AUTS2: variants seen among roughly 807,000 people sequenced by gnomAD.
The protein encoded by AUTS2 is activator of transcription and developmental regulator AUTS2.
AUTS2 carries 17 observed loss-of-function variants against 112.4 expected under a neutral mutation model. The ratio of observed to expected loss-of-function variants is 0.15; its 90% CI spans 0.10 to 0.23. AUTS2 has a LOEUF of 0.23. Ranked by LOEUF, AUTS2 falls within the 10% of genes least tolerant of loss-of-function variation. AUTS2 has a pLI of 1.00. For synonymous variants in AUTS2, 751 were observed against 702.7 expected, an observed-to-expected ratio of 1.07 and a Z score of -1.09; for missense variants, 1,510 against 1,701.6, an observed-to-expected ratio of 0.89 and a Z score of 1.98.
intron 5 of AUTS2, among the ~76,000 whole-genome samples, chr7:70,493,607 A>T (rs2116461283): frequency 1.3e-5 from 2 of 152,258 alleles, no homozygotes; most frequent in South Asian, 4.2e-4. Context: ...GGGGGAAAAC[A>T]CATTAATATA....
At chr7:70,190,744 T>A (rs757709263) in intron 4 of AUTS2, among the ~76,000 whole-genome samples, 5 of 152,230 alleles carry the variant, frequency 3.3e-5, no homozygotes, top group Non-Finnish European at 5.9e-5. Flanking sequence ...GACTTTTTTT[T>A]ATGCTTATAA....
At chr7:70,148,005 A>G (rs1159415904) in intron 4 of AUTS2, among the ~76,000 whole-genome samples, 3 of 152,148 alleles carry the variant, frequency 2.0e-5, no homozygotes, top group Admixed American at 6.6e-5. Context: ...TCTGTAAACC[A>G]GCTACCAGGC....
chr7:69,661,880 C>T (rs1795813299), intron 1 of AUTS2, among the ~76,000 whole-genome samples: 1 of 152,144 alleles, frequency 6.6e-6, no homozygotes, highest in African/African-American at 2.4e-5. Flanking sequence ...CTCAACCACT[C>T]TGTGACAGTG....
At chr7:70,124,570 T>C (rs542506646) in intron 3 of AUTS2, among the ~76,000 whole-genome samples, 4 of 152,028 alleles carry the variant, frequency 2.6e-5, no homozygotes, top group Non-Finnish European at 4.4e-5. Flanking sequence ...TCTTTTTTTT[T>C]TTTTCTTTTC....
At chr7:70,454,173 A>T (rs912190826) in intron 5 of AUTS2, among the ~76,000 whole-genome samples, 1 of 152,210 alleles carries the variant, frequency 6.6e-6, no homozygotes, top group Admixed American at 6.5e-5. Context: ...TGTGTCAGAC[A>T]AAAAGATCTG....
At position 69,899,455 on chromosome 7, in the gene AUTS2, A is replaced by G. The variant is rs1363025153; in HGVS notation, c.479A>G (p.Gln160Arg). The change falls in exon 2 of 19, where the codon CAG becomes CGG. Residue 160 changes from glutamine to arginine, a missense_variant. Gln to Arg is a conservative substitution (Grantham distance 43). Transcript: ENST00000342771. ...CGAGAAAATGACCGCAATCTCTGCCAGCACCTTGGGAAGAGAAAGAAAATG... is the reference window on the plus strand; with the variant it reads ...CGAGAAAATGACCGCAATCTCTGCCGGCACCTTGGGAAGAGAAAGAAAATG... ...SDRENDRNLC[Q>R]HLGKRKKMPK... The G allele has an allele frequency of 2.5e-6, 4 of 1,613,902 alleles. No homozygotes were observed. The highest frequency in any genetic ancestry group is 2.5e-6 in the Non-Finnish European group (3 of 1,179,890).
rs555847228 is a variant in AUTS2 at position 69,655,799 on chromosome 7, G to C, written c.309+55837G>C. Among the ~76,000 whole-genome samples, 53 of 152,268 alleles carry C rather than the reference G, an allele frequency of 3.5e-4. No individual in the cohort carries two copies. In the South Asian group the frequency reaches 0.011, roughly 30 times the overall value. ...GAGGGCCGTGCCTTCCTGGGGACCT[G>C]TTTAGGAGAAGGGTCCTGGGCAGTA... On this transcript the variant is annotated intron_variant, in intron 1 of 18. Coordinates refer to ENST00000342771, the MANE Select transcript of AUTS2 (RefSeq NM_015570.4).
In AUTS2 at chr7:70,708,587, TA is replaced by T. The variant is rs201813481; in HGVS notation, c.742+9980del. Among the ~76,000 whole-genome samples, 612 of 143,766 alleles carry T rather than the reference TA, an allele frequency of 4.3e-3. 4 individuals carry two copies. The highest frequency in any genetic ancestry group is 7.2e-3 in the Middle Eastern group (2 of 278). The allele number at this position is 143,766 out of a possible 152,430, so 94.3% of individuals were successfully genotyped here. On this transcript the variant is annotated intron_variant, in intron 6 of 18. Transcript: ENST00000342771. ...GTGGTATAATAGCAAACTCACTAAT[TA>T]AAAAAAAAAAAATAGCCTTAAGACT...
intron 5 of AUTS2, among the ~76,000 whole-genome samples, chr7:70,511,037 C>T (rs1216836430): frequency 3.9e-5 from 6 of 151,928 alleles, no homozygotes; most frequent in African/African-American, 7.3e-5. Context: ...TTTGTAGAGA[C>T]GAGGTTTCGC....
chr7:70,530,374 T>C (rs1051074858), intron 5 of AUTS2, among the ~76,000 whole-genome samples: 1 of 152,146 alleles, frequency 6.6e-6, no homozygotes, highest in Non-Finnish European at 1.5e-5. Context: ...AACATGGTAC[T>C]GGTGAATGTT....
chr7:69,688,006 G>C (rs1460237375), intron 1 of AUTS2, among the ~76,000 whole-genome samples: 2 of 152,184 alleles, frequency 1.3e-5, no homozygotes, highest in Admixed American at 6.5e-5. Flanking sequence ...TATGTATTAA[G>C]CTGCCAAGCC....
intron 2 of AUTS2, among the ~76,000 whole-genome samples, chr7:69,972,488 TA>T (rs1372370625): frequency 6.6e-6 from 1 of 152,208 alleles, no homozygotes; most frequent in Non-Finnish European, 1.5e-5. Context: ...CTTTCCTTTA[TA>T]TTCTTGCTTT....
In AUTS2 at chr7:70,787,291, C is replaced by G. The variant is rs1466570042; in HGVS notation, c.2391C>G (p.His797Gln). Reference protein sequence around the residue: ...SNPHEPWNRLHRTPPSFPTPP... With the variant: ...SNPHEPWNRLQRTPPSFPTPP... ...CTCACGAACCCTGGAACCGGCTGCA[C>G]CGAACGCCTCCGTCGTTCCCGACCC... The change falls in exon 18 of 19, where the codon CAC becomes CAG. Residue 797 changes from histidine to glutamine, a missense_variant. This residue lies in a region of AUTS2 where 788 missense variants were observed against 797.6 expected (regional missense o/e 0.99). Coordinates refer to ENST00000342771, the MANE Select transcript of AUTS2 (RefSeq NM_015570.4). 1 of 1,614,250 alleles carries G rather than the reference C, an allele frequency of 6.2e-7. No homozygotes were observed. Among genetic ancestry groups the G allele is most frequent in the Admixed American group, 1.7e-5 (1 of 60,030 alleles).
At chr7:69,883,381 G>A (rs1337756391) in intron 1 of AUTS2, among the ~76,000 whole-genome samples, 3 of 151,622 alleles carry the variant, frequency 2.0e-5, no homozygotes, top group Non-Finnish European at 4.4e-5. Context: ...GGTGCTGTAA[G>A]GTTAGATAAC....
At chr7:70,698,946 CAGCAAT>C (rs1325961133) in intron 6 of AUTS2, 1 of 206,766 alleles carries the variant, frequency 4.8e-6, no homozygotes, top group African/African-American at 2.3e-5. Flanking sequence ...ATCAACTACC[CAGCAAT>C]AGGAGAAATA....
intron 2 of AUTS2, among the ~76,000 whole-genome samples, chr7:69,916,644 A>G (rs373257242): frequency 1.3e-3 from 197 of 152,244 alleles, no homozygotes; most frequent in Non-Finnish European, 2.2e-3. Flanking sequence ...CTAAGCATCC[A>G]AGCCATAAAT....
At chr7:70,483,466 T>A (rs1797868976) in intron 5 of AUTS2, among the ~76,000 whole-genome samples, 1 of 152,136 alleles carries the variant, frequency 6.6e-6, no homozygotes, top group Admixed American at 6.5e-5. Flanking sequence ...GAGTCCAGCT[T>A]CTGTTTCCCC....
At chr7:70,403,383 C>G (rs1415820216) in intron 4 of AUTS2, among the ~76,000 whole-genome samples, 1 of 152,218 alleles carries the variant, frequency 6.6e-6, no homozygotes, top group Non-Finnish European at 1.5e-5. Flanking sequence ...CACCTTGGGC[C>G]TGACTGCCAC....
intron 2 of AUTS2, among the ~76,000 whole-genome samples, chr7:69,951,880 T>G (rs1797040965): frequency 6.6e-6 from 1 of 152,194 alleles, no homozygotes; most frequent in Non-Finnish European, 1.5e-5. Flanking sequence ...GTTGGGTCCA[T>G]TTGAAGGCTT....
Sources: allele counts gnomAD v4.1 joint callset (sites outside exome capture counted in the v4.1 genomes callset), GRCh38; gene constraint gnomAD v4.1.1; regional missense constraint gnomAD v4.1.1; transcripts MANE v1.5; gene names NCBI Gene and HGNC (gene_info 2026-07-23, HGNC 2026-07-21).